The following KAZN variants were observed in gnomAD, a reference collection of about 807,000 sequenced individuals.
The protein encoded by KAZN is kazrin, periplakin interacting protein.
Under a neutral mutation model 87.4 loss-of-function variants are expected in KAZN, and 40 were observed. The ratio of observed to expected loss-of-function variants is 0.46; its 90% CI spans 0.36 to 0.60. The LOEUF (loss-of-function observed/expected upper bound fraction) is 0.60, where lower values mean the gene tolerates loss of function less well. KAZN is among the 20% of genes least tolerant of loss of function. The pLI is 0.00. For synonymous variants in KAZN, 466 were observed against 458.3 expected (o/e 1.02, Z -0.22); for missense variants, 898 against 1,073.9 (o/e 0.84, Z 2.29).
intron 2 of KAZN, among the ~76,000 whole-genome samples, chr1:14,457,819 G>GTTTTTTTTTTTTTT: frequency 7.3e-6 from 1 of 136,942 alleles, no homozygotes; most frequent in Non-Finnish European, 1.5e-5. Flanking sequence ...GTTGTTTTTT[G>GTTTTTTTTTTTTTT]TTTTGTTTTT....
At chr1:13,999,851 T>G (rs1219295291) in intron 1 of KAZN, among the ~76,000 whole-genome samples, 1 of 151,980 alleles carries the variant, frequency 6.6e-6, no homozygotes, top group Non-Finnish European at 1.5e-5. Context: ...CAATAAAAAA[T>G]GATTAAAGGG....
intron 1 of KAZN, among the ~76,000 whole-genome samples, chr1:14,003,443 G>T (rs138608805): frequency 6.6e-6 from 1 of 151,682 alleles, no homozygotes; most frequent in East Asian, 1.9e-4. Context: ...TATATAGAAA[G>T]AAGTGAAAAT....
At chr1:14,476,086 A>G (rs566114676) in intron 2 of KAZN, among the ~76,000 whole-genome samples, 1 of 152,310 alleles carries the variant, frequency 6.6e-6, no homozygotes, top group East Asian at 1.9e-4. Context: ...CAGATGGGTC[A>G]TCTGAGGTTT....
intron 1 of KAZN, among the ~76,000 whole-genome samples, chr1:13,894,988 T>A (rs1225359530): frequency 1.3e-5 from 2 of 152,184 alleles, no homozygotes; most frequent in African/African-American, 4.8e-5. Context: ...CTCAGGCAAG[T>A]TACTTAGCCT....
At chr1:14,189,126 C>T (rs1021967018) in intron 2 of KAZN, among the ~76,000 whole-genome samples, 2 of 152,126 alleles carry the variant, frequency 1.3e-5, no homozygotes, top group Admixed American at 6.5e-5. Flanking sequence ...GCCCATGTTC[C>T]TTCATTCCTT....
At chr1:14,631,849 A>C (rs1273946482) in intron 1 of KAZN, among the ~76,000 whole-genome samples, 1 of 152,220 alleles carries the variant, frequency 6.6e-6, no homozygotes, top group Admixed American at 6.5e-5. Context: ...TGTTGTTTTT[A>C]TACCAGAAGA....
At chr1:14,257,336 A>C (rs1313619394) in intron 2 of KAZN, among the ~76,000 whole-genome samples, 2 of 145,278 alleles carry the variant, frequency 1.4e-5, no homozygotes, top group African/African-American at 2.6e-5. Context: ...TTTCTTGTAA[A>C]TTTGTTTGAG....
intron 1 of KAZN, among the ~76,000 whole-genome samples, chr1:14,637,526 C>T (rs1680083943): frequency 6.6e-6 from 1 of 152,112 alleles, no homozygotes. Flanking sequence ...TGATCACCAC[C>T]CTCCTCAGAT....
At chr1:14,081,030 G>A (rs900618985) in intron 1 of KAZN, among the ~76,000 whole-genome samples, 3 of 151,970 alleles carry the variant, frequency 2.0e-5, no homozygotes, top group African/African-American at 7.3e-5. Flanking sequence ...TAGCTAGCAA[G>A]GGTTCATTCA....
rs1306823652 is a variant in KAZN, at chr1:14,769,733, C to T, written c.226+170510C>T. Among the ~76,000 whole-genome samples, 3 of 152,216 alleles carry T rather than the reference C, an allele frequency of 2.0e-5. No homozygotes were observed. Among genetic ancestry groups the T allele is most frequent in the Non-Finnish European group, 2.9e-5 (2 of 68,048 alleles). ...GGGAAATTAACACTGGTCCTTCATT[C>T]GTTCATTTAGTCAGCAAACATGGAT... On this transcript the variant is annotated intron_variant, in intron 1 of 14. Transcript: ENST00000376030. This position sits in a 1 kb window ranked among gnomAD's most constrained non-coding sequence, Gnocchi z 4.1.
chr1:15,001,134 A>T (rs1184955281), intron 2 of KAZN, among the ~76,000 whole-genome samples: 1 of 151,648 alleles, frequency 6.6e-6, no homozygotes, highest in African/African-American at 2.4e-5. Context: ...AGCTTCCCCA[A>T]ACCCAGCAAA....
Position 14,200,847 on chromosome 1 carries a change from C to T in KAZN, c.249+20255C>T, listed in dbSNP as rs140801236. On this transcript the variant is annotated intron_variant, in intron 2 of 16. Transcript: ENST00000636203. The stretch of plus-strand genomic sequence containing the variant: ...GAACACCCACCAAGAGTCTTGGTTA[C>T]TTTTTTTTTTTTAATTTAATGATAA... 3.4e-3 allele frequency among the ~76,000 whole-genome samples: 489 copies of T among 145,904 alleles called. 2 individuals carry two copies. Among genetic ancestry groups the T allele is most frequent in the African/African-American group, 0.012 (470 of 40,064 alleles).
At chr1:14,781,205 C>T (rs1021243126) in intron 1 of KAZN, among the ~76,000 whole-genome samples, 1 of 152,172 alleles carries the variant, frequency 6.6e-6, no homozygotes, top group Non-Finnish European at 1.5e-5. Flanking sequence ...ACCTGTAGTC[C>T]CAGCTACTCG....
chr1:14,231,021 A>G (rs1468324992), intron 2 of KAZN, among the ~76,000 whole-genome samples: 1 of 152,206 alleles, frequency 6.6e-6, no homozygotes, highest in African/African-American at 2.4e-5. Flanking sequence ...CTGTGAATCA[A>G]TGAATGAGTG....
intron 1 of KAZN, among the ~76,000 whole-genome samples, chr1:14,004,966 G>A (rs1250246980): frequency 6.6e-6 from 1 of 151,330 alleles, no homozygotes. Flanking sequence ...TGCCACCATG[G>A]GATGCCACAG....
intron 1 of KAZN, among the ~76,000 whole-genome samples, chr1:13,956,729 T>A (rs1261799802): frequency 6.6e-6 from 1 of 151,996 alleles, no homozygotes; most frequent in Non-Finnish European, 1.5e-5. Flanking sequence ...TGGGAAAAAA[T>A]TATTACTTTC....
intron 2 of KAZN, among the ~76,000 whole-genome samples, chr1:14,194,618 G>A (rs72865728): frequency 0.017 from 2,640 of 152,238 alleles, 79 homozygotes; most frequent in African/African-American, 0.06. Context: ...AAAGACTCTG[G>A]GAAAGTACAG....
At chr1:14,308,425 AAT>A (rs2100803383) in intron 2 of KAZN, among the ~76,000 whole-genome samples, 1 of 152,368 alleles carries the variant, frequency 6.6e-6, no homozygotes, top group African/African-American at 2.4e-5. Context: ...ATCTATGTAA[AAT>A]ATATGCAAAG....
chr1:14,646,585 A>T (rs1680827406), intron 1 of KAZN, among the ~76,000 whole-genome samples: 1 of 152,026 alleles, frequency 6.6e-6, no homozygotes, highest in African/African-American at 2.4e-5. Flanking sequence ...CAGCTGGATG[A>T]TTCTCTATTG....
Sources: gnomAD v4.1 joint callset for allele counts (sites outside exome capture counted in the v4.1 genomes callset) on GRCh38, gnomAD v4.1.1 for gene constraint, Gnocchi (gnomAD v3.1) non-coding constraint, MANE v1.5 for transcripts, NCBI Gene and HGNC (gene_info 2026-07-23, HGNC 2026-07-21) for gene names.